ITPKC: variants seen among roughly 807,000 people sequenced by gnomAD.
The protein encoded by ITPKC is IP3 3-kinase C.
In ITPKC, 33 loss-of-function variants were observed where a neutral mutation model predicts 67.1. The ratio of observed to expected loss-of-function variants is 0.49; its 90% CI spans 0.37 to 0.66. The LOEUF (loss-of-function observed/expected upper bound fraction) is 0.66, where lower values mean the gene tolerates loss of function less well. Among genes scored for constraint, ITPKC ranks in the 30% least tolerant of loss-of-function variants. The pLI is 0.00. For missense variants in ITPKC, 820 were observed against 892.1 expected, an observed-to-expected ratio of 0.92 and a Z score of 1.03; for synonymous variants, 341 against 359.8, an observed-to-expected ratio of 0.95 and a Z score of 0.59.
At position 40,717,205 on chromosome 19, in the gene ITPKC, A is replaced by C; in HGVS notation, c.70A>C (p.Met24Leu). 1 of 1,224,296 alleles carries C rather than the reference A, an allele frequency of 8.2e-7. No homozygotes were observed. Among genetic ancestry groups the C allele is most frequent in the Non-Finnish European group, 1.0e-6 (1 of 983,746 alleles). 75.8% of individuals were successfully genotyped at this position (1,224,296 alleles called of 1,614,324 possible). A position where few individuals can be genotyped will look rare whatever the true frequency, so the allele number is the denominator to read the frequency against. ...CGGGGCGCTGCCCGCGGCGGCCCGC[A>C]TGGGACTGGAGGCGCCGCGAGGAGG... ...EAGALPAAAR[M>L]GLEAPRGGRR... The change falls in exon 1 of 7, where the codon ATG becomes CTG. Residue 24 changes from methionine (M) to leucine (L), a missense_variant. By Grantham distance (15) the Met-to-Leu change is conservative. Transcript: ENST00000263370.
intron 3 of ITPKC, among the ~76,000 whole-genome samples, chr19:40,732,687 C>G (rs2082277333): frequency 6.6e-6 from 1 of 152,118 alleles, no homozygotes; most frequent in African/African-American, 2.4e-5. Context: ...CTGCCTTGGC[C>G]TCCCAAAGTG....
At chr19:40,736,568 A>G (rs1456651956) in intron 4 of ITPKC, among the ~76,000 whole-genome samples, 1 of 152,024 alleles carries the variant, frequency 6.6e-6, no homozygotes, top group Non-Finnish European at 1.5e-5. Context: ...TAGTGGTGCA[A>G]TCAATGCTCA....
chr19:40,719,576 A>G (rs2082211778), intron 1 of ITPKC, among the ~76,000 whole-genome samples: 1 of 150,316 alleles, frequency 6.7e-6, no homozygotes, highest in Non-Finnish European at 1.5e-5. Flanking sequence ...TGCAGCCTTC[A>G]CTTCCTGGGT....
Position 40,737,100 on chromosome 19 carries a change from C to T in ITPKC, c.1776+13C>T, listed in dbSNP as rs370194388. 8.5e-5 allele frequency: 126 copies of T among 1,477,052 alleles called. No individual in the cohort carries two copies. Among genetic ancestry groups the T allele is most frequent in the Non-Finnish European group, 1.1e-4 (122 of 1,074,234 alleles). The allele number at this position is 1,477,052 out of a possible 1,614,324, so 91.5% of individuals were successfully genotyped here. A position where few individuals can be genotyped will look rare whatever the true frequency, so the allele number is the denominator to read the frequency against. ...CCACGTCATCCTGGTGAGTGGGACA[C>T]CCATGTCCCAGAATGTAGCAGCTTA... On this transcript the variant is annotated intron_variant, in intron 5 of 6. Transcript: ENST00000263370.
intron 4 of ITPKC, among the ~76,000 whole-genome samples, chr19:40,734,689 A>G (rs1329955135): frequency 6.8e-6 from 1 of 147,978 alleles, no homozygotes; most frequent in Admixed American, 6.7e-5. Context: ...ACTAATTGCA[A>G]CCTCCACCTC....
intron 1 of ITPKC, among the ~76,000 whole-genome samples, chr19:40,724,688 C>A (rs2082237847): frequency 6.6e-6 from 1 of 152,148 alleles, no homozygotes; most frequent in South Asian, 2.1e-4. Flanking sequence ...ATGGCTTATG[C>A]CTGAAACCCC....
At chr19:40,727,109 C>T (rs997279616) in intron 2 of ITPKC, among the ~76,000 whole-genome samples, 3 of 152,014 alleles carry the variant, frequency 2.0e-5, no homozygotes, top group East Asian at 1.9e-4. Flanking sequence ...CCAAGGCAGG[C>T]GGATCACGAG....
Position 40,717,897 on chromosome 19 carries a change from T to A in ITPKC, c.762T>A (p.Asp254Glu). The A allele has an allele frequency of 6.2e-7, 1 of 1,613,956 alleles. No individual in the cohort carries two copies. Among genetic ancestry groups the A allele is most frequent in the Non-Finnish European group, 8.5e-7 (1 of 1,179,972 alleles). Residue 254 changes from aspartate (D) to glutamate (E), a missense_variant, in exon 1 of 7, where the codon GAT becomes GAA. Asp to Glu is a conservative substitution (Grantham distance 45, BLOSUM62 2). Coordinates refer to ENST00000263370, the MANE Select transcript of ITPKC (RefSeq NM_025194.3). ...CTGATGGCTCCCAGAAAAAACAGGA[T>A]ACTGAAGCAGCCAGGAAACAGCCTG... ...PYTDGSQKKQ[D>E]TEAARKQPGT...
At chr19:40,731,194 C>T (rs985133835) in intron 3 of ITPKC, among the ~76,000 whole-genome samples, 5 of 152,178 alleles carry the variant, frequency 3.3e-5, no homozygotes, top group African/African-American at 7.2e-5. Flanking sequence ...CTCTTAGGAA[C>T]GGGGCCCCAC....
intron 1 of ITPKC, among the ~76,000 whole-genome samples, chr19:40,720,327 A>G (rs1438321707): frequency 6.6e-6 from 1 of 151,268 alleles, no homozygotes; most frequent in Non-Finnish European, 1.5e-5. Flanking sequence ...AGATTGCACC[A>G]CTGCACTCCA....
chr19:40,734,100 C>T (rs564073387), intron 4 of ITPKC, among the ~76,000 whole-genome samples: 1 of 152,228 alleles, frequency 6.6e-6, no homozygotes, highest in Non-Finnish European at 1.5e-5. Context: ...AGTTGTAGAT[C>T]CGAAATGTTC....
intron 1 of ITPKC, among the ~76,000 whole-genome samples, chr19:40,724,185 T>C (rs1452066266): frequency 1.3e-5 from 2 of 152,072 alleles, no homozygotes; most frequent in Admixed American, 1.3e-4. Flanking sequence ...GATGGGAGGA[T>C]TGCATGAGGC....
At chr19:40,725,502 T>C (rs1307297022) in intron 2 of ITPKC, 63 bp downstream of exon 2, 1 of 1,148,596 alleles carries the variant, frequency 8.7e-7, no homozygotes, top group Non-Finnish European at 1.3e-6. Flanking sequence ...AGGGATGTTC[T>C]CTGTAGTTTA....
rs28493229 is a variant in ITPKC at position 40,718,299 on chromosome 19, G to A, written c.1155+9G>A. ...CCGAGGACAGGTCTGGGGTGAGTGG[G>A]ACCCATCCTGCCCTTGAGCCACATC... is the stretch of plus-strand genomic sequence containing the variant. On this transcript the variant is annotated intron_variant, in intron 1 of 6. Transcript: ENST00000263370. 2 of 1,503,618 alleles carry A rather than the reference G, an allele frequency of 1.3e-6. No individual in the cohort carries two copies. The highest frequency in any genetic ancestry group is 4.6e-5 in the East Asian group (2 of 43,944). 93.1% of individuals were successfully genotyped at this position (1,503,618 alleles called of 1,614,324 possible).
chr19:40,729,979 C>T (rs549484796), intron 3 of ITPKC, among the ~76,000 whole-genome samples: 4 of 151,996 alleles, frequency 2.6e-5, no homozygotes, highest in Non-Finnish European at 5.9e-5. Context: ...CTTACTCTAT[C>T]GCCCAGGCTG....
intron 6 of ITPKC, among the ~76,000 whole-genome samples, chr19:40,738,919 G>T (rs1241001515): frequency 6.6e-6 from 1 of 152,130 alleles, no homozygotes. Context: ...TAGTGGGTGG[G>T]TTGCGGATAC....
intron 4 of ITPKC, 82 bp from the exon 5 acceptor site, chr19:40,736,904 C>T: frequency 1.1e-6 from 1 of 897,104 alleles, no homozygotes; most frequent in Non-Finnish European, 1.8e-6. Flanking sequence ...GCCCGGCCTC[C>T]TGGGAGGTAT....
Position 40,740,510 on chromosome 19 carries a change from G to A in ITPKC, c.*950G>A, listed in dbSNP as rs749252396. ...GGAAAAGCGCTGGGTGTGTGTCAGA[G>A]GCGCAGGGTGGGTGGGGCTGCCAGC... On this transcript the variant is annotated 3_prime_UTR_variant, in exon 7 of 7. Coordinates refer to ENST00000263370, the MANE Select transcript of ITPKC (RefSeq NM_025194.3). 4 of 211,854 alleles carry A rather than the reference G, an allele frequency of 1.9e-5. No homozygotes were observed. Among genetic ancestry groups the A allele is most frequent in the Non-Finnish European group, 9.4e-6 (1 of 106,286 alleles). 13.1% of individuals were successfully genotyped at this position (211,854 alleles called of 1,614,324 possible).
At chr19:40,731,541 C>T (rs1264024856) in intron 3 of ITPKC, among the ~76,000 whole-genome samples, 1 of 151,480 alleles carries the variant, frequency 6.6e-6, no homozygotes, top group Non-Finnish European at 1.5e-5. Context: ...GCGCACCACG[C>T]TCCAGGAACC....
Sources: allele counts gnomAD v4.1 joint callset (sites outside exome capture counted in the v4.1 genomes callset), GRCh38; gene constraint gnomAD v4.1.1; transcripts MANE v1.5; gene names NCBI Gene and HGNC (gene_info 2026-07-23, HGNC 2026-07-21).